The following AGBL4 variants were observed in gnomAD, a reference collection of about 807,000 sequenced individuals.
AGBL4 encodes the protein AGBL carboxypeptidase 4, also known as cytosolic carboxypeptidase 6.
Under a neutral mutation model 66.4 loss-of-function variants are expected in AGBL4, and 58 were observed. The observed-to-expected ratio is 0.87, with a 90% CI of 0.71 to 1.09. The LOEUF (loss-of-function observed/expected upper bound fraction) is 1.09. Ranked by LOEUF, AGBL4 falls within the 50% of genes least tolerant of loss-of-function variation. The pLI, the probability that AGBL4 is intolerant of heterozygous loss-of-function variation, is 0.00. For missense variants in AGBL4, 579 were observed against 631.0 expected (o/e 0.92, Z 0.88); for synonymous variants, 234 against 222.9 (o/e 1.05, Z -0.44).
At chr1:49,379,799 T>A (rs1300445144) in intron 3 of AGBL4, among the ~76,000 whole-genome samples, 1 of 152,028 alleles carries the variant, frequency 6.6e-6, no homozygotes, top group Non-Finnish European at 1.5e-5. Context: ...TATTGAGGAT[T>A]TTTGCATCAA....
chr1:49,124,001 T>C (rs1374177863), intron 4 of AGBL4, among the ~76,000 whole-genome samples: 3 of 152,220 alleles, frequency 2.0e-5, no homozygotes, highest in East Asian at 1.9e-4. Flanking sequence ...TGATAGAAGA[T>C]AGAAGATTCA....
chr1:49,175,601 T>C (rs1646816262), intron 4 of AGBL4, among the ~76,000 whole-genome samples: 1 of 152,104 alleles, frequency 6.6e-6, no homozygotes, highest in Non-Finnish European at 1.5e-5. Context: ...ATACAGGTGT[T>C]TTCTAAAGTG....
At chr1:49,736,731 A>C (rs1041453885) in intron 2 of AGBL4, among the ~76,000 whole-genome samples, 1 of 152,112 alleles carries the variant, frequency 6.6e-6, no homozygotes, top group Admixed American at 6.6e-5. Flanking sequence ...CAAACAGACA[A>C]CCTATAGAAT....
At chr1:49,855,452 T>C (rs1433072011) in intron 1 of AGBL4, among the ~76,000 whole-genome samples, 1 of 152,190 alleles carries the variant, frequency 6.6e-6, no homozygotes, top group East Asian at 1.9e-4. Flanking sequence ...AGAATACACA[T>C]TCTTCTTATC....
intron 3 of AGBL4, among the ~76,000 whole-genome samples, chr1:49,539,597 CTCAGGAAAGTA>C (rs1651853026): frequency 6.6e-6 from 1 of 152,294 alleles, no homozygotes; most frequent in African/African-American, 2.4e-5. Context: ...TACTGGATTA[CTCAGGAAAGTA>C]TCTGCATAAT....
chr1:49,795,521 T>C (rs1009094122), intron 2 of AGBL4, among the ~76,000 whole-genome samples: 9 of 152,022 alleles, frequency 5.9e-5, no homozygotes, highest in African/African-American at 2.2e-4. Context: ...TGTAGAATTG[T>C]TACTGAAGTA....
Position 49,328,069 on chromosome 1 carries a change from C to A in AGBL4, c.283-82205G>T, listed in dbSNP as rs571957077. 2.6e-5 allele frequency among the ~76,000 whole-genome samples: 4 copies of A among 152,206 alleles called. No homozygotes were observed. In the South Asian group the frequency reaches 6.2e-4, roughly 24 times the overall value. Reference sequence around the variant, plus strand: ...GTCCTGCAAGAAAGGAAATTAACAACAACAAACCAAAGGTGAAAGGAACTG... The same window carrying A: ...GTCCTGCAAGAAAGGAAATTAACAAAAACAAACCAAAGGTGAAAGGAACTG... On this transcript the variant is annotated intron_variant, in intron 3 of 13. Coordinates refer to ENST00000371839, the MANE Select transcript of AGBL4 (RefSeq NM_032785.4).
intron 6 of AGBL4, among the ~76,000 whole-genome samples, chr1:48,689,044 C>T (rs192788005): frequency 6.6e-6 from 1 of 151,336 alleles, no homozygotes; most frequent in Admixed American, 6.6e-5. Context: ...GGTGAAACCC[C>T]GTCTCTACTA....
chr1:49,760,287 A>T lies in AGBL4; in HGVS notation c.158-62850T>A, dbSNP rs533931099. Among the ~76,000 whole-genome samples the T allele has an allele frequency of 2.0e-5, 3 of 152,198 alleles. No homozygotes were observed. The South Asian group carries it at 6.2e-4, about 32-fold the overall frequency. On this transcript the variant is annotated intron_variant, in intron 2 of 13. Coordinates refer to ENST00000371839, the MANE Select transcript of AGBL4 (RefSeq NM_032785.4). ...GATAGTTTCTTTTGCTGTGCATAAG[A>T]TCTTTAGTTTAATTAGATGCCATTT...
At chr1:49,679,584 G>T (rs1646648726) in intron 3 of AGBL4, among the ~76,000 whole-genome samples, 1 of 151,962 alleles carries the variant, frequency 6.6e-6, no homozygotes, top group African/African-American at 2.4e-5. Flanking sequence ...ATATGTTAGG[G>T]CTTGATTCTA....
At chr1:49,203,266 C>T (rs1450888023) in intron 4 of AGBL4, among the ~76,000 whole-genome samples, 1 of 152,056 alleles carries the variant, frequency 6.6e-6, no homozygotes, top group Non-Finnish European at 1.5e-5. Context: ...AACTCCACTT[C>T]TGGATCTATA....
intron 11 of AGBL4, chr1:48,583,756 G>C (rs2148334911): frequency 6.6e-6 from 1 of 151,806 alleles, no homozygotes; most frequent in East Asian, 1.9e-4. Context: ...TTTCCCATCA[G>C]ACCATGTAAT....
At chr1:49,852,647 A>G (rs1418390339) in intron 1 of AGBL4, among the ~76,000 whole-genome samples, 1 of 152,162 alleles carries the variant, frequency 6.6e-6, no homozygotes, top group African/African-American at 2.4e-5. Context: ...TGAGAGGAAG[A>G]GGAACAATAA....
At chr1:49,148,662 A>G (rs1194118237) in intron 4 of AGBL4, among the ~76,000 whole-genome samples, 1 of 152,140 alleles carries the variant, frequency 6.6e-6, no homozygotes, top group African/African-American at 2.4e-5. Context: ...AGACGTGCCT[A>G]ACTTGAAATT....
chr1:50,008,125 T>C (rs951273435), intron 1 of AGBL4, among the ~76,000 whole-genome samples: 3 of 152,152 alleles, frequency 2.0e-5, no homozygotes, highest in African/African-American at 7.2e-5. Flanking sequence ...AGACAATCCA[T>C]ACAGAACATC....
In AGBL4 at chr1:48,846,953, TC is replaced by T. The variant is rs541296961; in HGVS notation, c.634+20237del. On this transcript the variant is annotated intron_variant, in intron 6 of 13. Transcript: ENST00000371839. ...GTTTTCTCATTATAAGATATAGTTA[TC>T]CCTTTGCACATGTCAAGTTACCCAG... Among the ~76,000 whole-genome samples the T allele has an allele frequency of 1.9e-3, 288 of 152,178 alleles. 2 individuals are homozygous for T. The highest frequency in any genetic ancestry group is 6.6e-3 in the African/African-American group (272 of 41,526).
chr1:48,718,074 A>G (rs1030261792), intron 6 of AGBL4, among the ~76,000 whole-genome samples: 9 of 152,256 alleles, frequency 5.9e-5, no homozygotes, highest in Non-Finnish European at 1.2e-4. Flanking sequence ...ACTCAAAATG[A>G]ACGAGGGAAT....
chr1:49,136,707 T>C (rs1185331073), intron 4 of AGBL4, among the ~76,000 whole-genome samples: 1 of 152,112 alleles, frequency 6.6e-6, no homozygotes, highest in South Asian at 2.1e-4. Flanking sequence ...ATACAATAAA[T>C]TAAGTTGTGA....
At chr1:48,596,424 T>TTTTC (rs1177388625) in intron 9 of AGBL4, among the ~76,000 whole-genome samples, 3 of 152,164 alleles carry the variant, frequency 2.0e-5, no homozygotes, top group African/African-American at 7.2e-5. Flanking sequence ...GCCCCAAATC[T>TTTTC]ATTCTTTTCA....
Sources: allele counts gnomAD v4.1 joint callset (sites outside exome capture counted in the v4.1 genomes callset), GRCh38; gene constraint gnomAD v4.1.1; transcripts MANE v1.5; gene names NCBI Gene and HGNC (gene_info 2026-07-23, HGNC 2026-07-21).